Variants in MVB12B observed in about 807,000 individuals in gnomAD.
MVB12B encodes the protein ESCRT-I complex subunit MVB12B.
A neutral mutation model predicts 41.6 loss-of-function variants in MVB12B; 16 were observed. The observed-to-expected ratio is 0.38, with a 90% CI of 0.26 to 0.58. The LOEUF (loss-of-function observed/expected upper bound fraction) is 0.58. MVB12B is among the 20% of genes least tolerant of loss of function. MVB12B has a pLI of 0.62. For missense variants in MVB12B, 274 were observed against 380.2 expected (o/e 0.72, Z 2.32); for synonymous variants, 133 against 139.7 (o/e 0.95, Z 0.34).
chr9:126,420,931 G>A (rs1330762499), intron 6 of MVB12B, among the ~76,000 whole-genome samples: 1 of 152,148 alleles, frequency 6.6e-6, no homozygotes, highest in Non-Finnish European at 1.5e-5. Flanking sequence ...CTTACTTTAT[G>A]TGATAAGTGT....
intron 7 of MVB12B, among the ~76,000 whole-genome samples, chr9:126,470,823 A>G (rs950092935): frequency 1.3e-5 from 2 of 152,180 alleles, no homozygotes; most frequent in African/African-American, 2.4e-5. Context: ...CTCACAGCCC[A>G]TGGATTGTGT....
intron 2 of MVB12B, among the ~76,000 whole-genome samples, chr9:126,347,935 C>T (rs1829644229): frequency 6.6e-6 from 1 of 152,290 alleles, no homozygotes; most frequent in African/African-American, 2.4e-5. Context: ...TGGAGGATAG[C>T]GGCAGCCCAA....
intron 2 of MVB12B, among the ~76,000 whole-genome samples, chr9:126,364,579 A>C (rs1830113130): frequency 6.6e-6 from 1 of 152,200 alleles, no homozygotes; most frequent in South Asian, 2.1e-4. Context: ...CTAGTGCCCT[A>C]GCTAAGGCAA....
intron 2 of MVB12B, among the ~76,000 whole-genome samples, chr9:126,373,764 C>A (rs200361476): frequency 6.6e-6 from 1 of 152,036 alleles, no homozygotes; most frequent in Non-Finnish European, 1.5e-5. Flanking sequence ...TTAAATCCAG[C>A]GGATTTTTAT....
chr9:126,367,890 A>G lies in MVB12B; in HGVS notation c.205-13174A>G, dbSNP rs899743014. 1.3e-5 allele frequency among the ~76,000 whole-genome samples: 2 copies of G among 152,206 alleles called. No individual in the cohort carries two copies. Among genetic ancestry groups the G allele is most frequent in the Non-Finnish European group, 2.9e-5 (2 of 68,038 alleles). On this transcript the variant is annotated intron_variant, in intron 2 of 9. Transcript: ENST00000361171. This position sits in a 1 kb window ranked among gnomAD's most constrained non-coding sequence, Gnocchi z 4.3. ...TCCTGATTCAGCTCACCTGGGAGCC[A>G]TCCTCGGAGGGAGGGGAGGGAGTGC...
At chr9:126,411,867 A>G (rs541006747) in intron 6 of MVB12B, among the ~76,000 whole-genome samples, 21 of 152,356 alleles carry the variant, frequency 1.4e-4, no homozygotes, top group Middle Eastern at 3.4e-3. Flanking sequence ...ACAGATCTCA[A>G]TCGTAATTCA....
At chr9:126,397,059 G>A in intron 6 of MVB12B, 1 of 985,496 alleles carries the variant, frequency 1.0e-6, no homozygotes, top group South Asian at 4.7e-5. Flanking sequence ...CTGTGTGTCG[G>A]GGTCCTCCAT....
At chr9:126,485,733 C>G (rs1833606432) in intron 9 of MVB12B, among the ~76,000 whole-genome samples, 1 of 149,894 alleles carries the variant, frequency 6.7e-6, no homozygotes, top group Non-Finnish European at 1.5e-5. Flanking sequence ...TGGCAGCCTG[C>G]TTTCAAACAG....
intron 2 of MVB12B, among the ~76,000 whole-genome samples, chr9:126,351,596 C>T (rs1829751037): frequency 6.9e-6 from 1 of 143,928 alleles, no homozygotes; most frequent in Non-Finnish European, 1.5e-5. Flanking sequence ...TCAAGCAGTT[C>T]TCCTGCCTCA....
chr9:126,444,202 C>A (rs1403752798), intron 7 of MVB12B, among the ~76,000 whole-genome samples: 1 of 152,156 alleles, frequency 6.6e-6, no homozygotes, highest in Non-Finnish European at 1.5e-5. Flanking sequence ...ATCTTCATTT[C>A]TAAAAGTTAT....
intron 7 of MVB12B, among the ~76,000 whole-genome samples, chr9:126,471,238 G>A (rs553144954): frequency 1.3e-5 from 2 of 152,294 alleles, no homozygotes; most frequent in East Asian, 1.9e-4. Context: ...ATCCCTCAGC[G>A]GTGCTGCGGA....
At chr9:126,407,495 G>A (rs1033748013) in intron 6 of MVB12B, among the ~76,000 whole-genome samples, 25 of 152,150 alleles carry the variant, frequency 1.6e-4, no homozygotes, top group African/African-American at 4.8e-4. Context: ...AGAGGAGGGC[G>A]TCATTAATAA....
In MVB12B at chr9:126,395,146, T is replaced by C. The variant is rs572187216; in HGVS notation, c.540-429T>C. Reference sequence around the variant, plus strand: ...AGCTGCAAGAGGCTGTATCCTGAGATTGGAGTGTGTTATAGAGTAGGGGGC... The same window carrying C: ...AGCTGCAAGAGGCTGTATCCTGAGACTGGAGTGTGTTATAGAGTAGGGGGC... On this transcript the variant is annotated intron_variant, in intron 5 of 9. Transcript: ENST00000361171. The surrounding 1 kb of genome is among the most constrained non-coding windows in gnomAD (Gnocchi z 4.9). 1.3e-4 allele frequency among the ~76,000 whole-genome samples: 20 copies of C among 152,308 alleles called. No homozygotes were observed. The highest frequency in any genetic ancestry group is 2.6e-4 in the Non-Finnish European group (18 of 68,028).
Position 126,392,092 on chromosome 9 carries a change from C to G in MVB12B, c.436C>G (p.Leu146Val). The change falls in exon 5 of 10, where the codon CTG becomes GTG. Residue 146 changes from leucine (L) to valine (V), a missense_variant. Transcript: ENST00000361171. The surrounding 1 kb of genome is among the most constrained non-coding windows in gnomAD (Gnocchi z 4.8). The part of the protein sequence containing the change: ...TQEVAFRKKR[L>V]CIKFIPRDST... ...GGAAGTGGCTTTTAGGAAGAAGAGGCTGTGCATTAAATTTATTCCACGGGA... is the reference window on the plus strand; with the variant it reads ...GGAAGTGGCTTTTAGGAAGAAGAGGGTGTGCATTAAATTTATTCCACGGGA... 1 of 1,614,206 alleles carries G rather than the reference C, an allele frequency of 6.2e-7. No individual in the cohort carries two copies. Among genetic ancestry groups the G allele is most frequent in the Non-Finnish European group, 8.5e-7 (1 of 1,180,018 alleles).
chr9:126,465,904 C>T (rs574014827), intron 7 of MVB12B, among the ~76,000 whole-genome samples: 12 of 152,146 alleles, frequency 7.9e-5, no homozygotes, highest in Admixed American at 1.3e-4. Flanking sequence ...GCCTGGTGGG[C>T]CTGGCATTTG....
intron 2 of MVB12B, among the ~76,000 whole-genome samples, chr9:126,358,648 G>T (rs1285747752): frequency 6.6e-6 from 1 of 152,166 alleles, no homozygotes; most frequent in South Asian, 2.1e-4. Context: ...TTGGTATTCT[G>T]CAATCTTGTT....
chr9:126,355,775 A>AT (rs1240254123), intron 2 of MVB12B, among the ~76,000 whole-genome samples: 1 of 152,214 alleles, frequency 6.6e-6, no homozygotes, highest in Non-Finnish European at 1.5e-5. Flanking sequence ...CAAATTGTTG[A>AT]TTTTCTAAAA....
chr9:126,432,878 T>C (rs1832365608), intron 7 of MVB12B, among the ~76,000 whole-genome samples: 1 of 152,182 alleles, frequency 6.6e-6, no homozygotes, highest in Admixed American at 6.5e-5. Flanking sequence ...GAGTGAATCG[T>C]GCTAGGACTA....
intron 7 of MVB12B, among the ~76,000 whole-genome samples, chr9:126,455,393 G>A (rs1206483181): frequency 6.6e-5 from 10 of 151,754 alleles, no homozygotes; most frequent in Admixed American, 6.6e-4. Flanking sequence ...TCACCATGTT[G>A]GCCAGGATGG....
Sources: gnomAD v4.1 joint callset for allele counts (sites outside exome capture counted in the v4.1 genomes callset) on GRCh38, gnomAD v4.1.1 for gene constraint, Gnocchi (gnomAD v3.1) non-coding constraint, MANE v1.5 for transcripts, NCBI Gene and HGNC (gene_info 2026-07-23, HGNC 2026-07-21) for gene names.